The following GUCY1A2 variants were observed in gnomAD, a reference collection of about 807,000 sequenced individuals.
GUCY1A2 encodes guanylate cyclase soluble subunit alpha-2.
Under a neutral mutation model 63.5 loss-of-function variants are expected in GUCY1A2, and 27 were observed. That is an observed-to-expected ratio of 0.43 (90% CI 0.31 to 0.59). The LOEUF (loss-of-function observed/expected upper bound fraction) is 0.59, where lower values mean the gene tolerates loss of function less well. Among genes scored for constraint, GUCY1A2 ranks in the 20% least tolerant of loss-of-function variants. GUCY1A2 has a pLI of 0.11. For missense variants in GUCY1A2, 768 were observed against 913.3 expected (o/e 0.84, Z 2.05); for synonymous variants, 364 against 343.5 (o/e 1.06, Z -0.66).
intron 2 of GUCY1A2, among the ~76,000 whole-genome samples, chr11:106,979,871 A>C (rs1861312155): frequency 6.6e-6 from 1 of 152,130 alleles, no homozygotes; most frequent in Admixed American, 6.5e-5. Flanking sequence ...AAGACTTCAA[A>C]ATAAAATCTT....
chr11:106,942,550 A>T (rs1565338739), intron 3 of GUCY1A2, among the ~76,000 whole-genome samples: 1 of 151,638 alleles, frequency 6.6e-6, no homozygotes, highest in Non-Finnish European at 1.5e-5. Flanking sequence ...TCCGTGTGTC[A>T]CTGAAAATAT....
Position 106,940,032 on chromosome 11 carries a change from T to G in GUCY1A2, c.634A>C (p.Thr212Pro). ...AGAGTGGCCTGTTTTCCAAAAGAAG[T>G]TCTAATGTGTTCCAACAAAGCATCA... ...GFDALLEHIR[T>P]SFGKQATLES... The change falls in exon 4 of 8, where the codon ACT (threonine) becomes CCT (proline). Residue 212 changes from threonine (T) to proline (P), a missense_variant. By Grantham distance (38) the Thr-to-Pro change is conservative. Coordinates refer to ENST00000526355, the MANE Select transcript of GUCY1A2 (RefSeq NM_000855.3). 6.2e-7 allele frequency: 1 copy of G among 1,613,920 alleles called. No homozygotes were observed. Among genetic ancestry groups the G allele is most frequent in the Non-Finnish European group, 8.5e-7 (1 of 1,179,892 alleles).
intron 7 of GUCY1A2, among the ~76,000 whole-genome samples, chr11:106,688,770 T>C (rs966462344): frequency 3.9e-5 from 6 of 152,124 alleles, no homozygotes; most frequent in Non-Finnish European, 8.8e-5. Context: ...CCACAAAGCT[T>C]TCATGGACTA....
chr11:106,837,653 C>G (rs1214837658), intron 4 of GUCY1A2, among the ~76,000 whole-genome samples: 1 of 151,776 alleles, frequency 6.6e-6, no homozygotes, highest in Admixed American at 6.6e-5. Flanking sequence ...CAAATTGTCG[C>G]AAATCTCCAA....
intron 5 of GUCY1A2, among the ~76,000 whole-genome samples, chr11:106,793,237 C>T (rs1864694069): frequency 6.6e-6 from 1 of 151,936 alleles, no homozygotes; most frequent in South Asian, 2.1e-4. Flanking sequence ...ACAAGGGCAC[C>T]AAGAAAACAC....
intron 6 of GUCY1A2, among the ~76,000 whole-genome samples, chr11:106,749,250 T>C (rs1255775838): frequency 6.6e-6 from 1 of 152,102 alleles, no homozygotes; most frequent in Non-Finnish European, 1.5e-5. Flanking sequence ...AATCATTTAA[T>C]GATTCATTTC....
intron 6 of GUCY1A2, among the ~76,000 whole-genome samples, chr11:106,722,329 G>C (rs1863330669): frequency 6.6e-6 from 1 of 151,580 alleles, no homozygotes; most frequent in South Asian, 2.1e-4. Context: ...TCTCAGACTA[G>C]ACTTTCTAAA....
At chr11:106,804,152 T>A (rs372415431) in intron 5 of GUCY1A2, among the ~76,000 whole-genome samples, 191 of 152,356 alleles carry the variant, frequency 1.3e-3, no homozygotes, top group African/African-American at 4.4e-3. Flanking sequence ...AAATGTTTAT[T>A]GAGTGAATGA....
chr11:107,011,549 AATATATTTATAATATATACACAT>A (rs1287301388), intron 1 of GUCY1A2, among the ~76,000 whole-genome samples: 1 of 146,708 alleles, frequency 6.8e-6, no homozygotes, highest in Non-Finnish European at 1.5e-5. Context: ...TAAATATATA[AATATATTTATAATATATACACAT>A]ATATATTTAT....
At chr11:106,887,738 G>C (rs1475229252) in intron 4 of GUCY1A2, among the ~76,000 whole-genome samples, 1 of 152,132 alleles carries the variant, frequency 6.6e-6, no homozygotes, top group Non-Finnish European at 1.5e-5. Context: ...AGCTGCTACT[G>C]GGAGAAGAAA....
intron 7 of GUCY1A2, among the ~76,000 whole-genome samples, chr11:106,690,752 G>A (rs1004393075): frequency 6.6e-6 from 1 of 152,144 alleles, no homozygotes; most frequent in Admixed American, 6.6e-5. Context: ...GGGTGAAAAT[G>A]AGTTCAGAAT....
At chr11:106,809,721 AT>A (rs1858738589) in intron 5 of GUCY1A2, among the ~76,000 whole-genome samples, 1 of 152,104 alleles carries the variant, frequency 6.6e-6, no homozygotes. Flanking sequence ...AACAAGTTTA[AT>A]TTTTTAATAA....
At chr11:106,986,905 A>C (rs1422896162) in intron 1 of GUCY1A2, among the ~76,000 whole-genome samples, 1 of 152,206 alleles carries the variant, frequency 6.6e-6, no homozygotes, top group Non-Finnish European at 1.5e-5. Context: ...TCTCTTCTCC[A>C]CGATGGCTTA....
intron 1 of GUCY1A2, among the ~76,000 whole-genome samples, chr11:107,008,612 A>G (rs905685458): frequency 3.3e-5 from 5 of 152,232 alleles, no homozygotes; most frequent in African/African-American, 1.2e-4. Flanking sequence ...TTTATAATTC[A>G]GATACTCTGC....
At chr11:106,724,911 C>T (rs554856619) in intron 6 of GUCY1A2, among the ~76,000 whole-genome samples, 27 of 152,228 alleles carry the variant, frequency 1.8e-4, no homozygotes, top group African/African-American at 4.8e-4. Context: ...TCTTATTCTC[C>T]TACTCAGATA....
At chr11:106,798,354 A>G (rs1864806792) in intron 5 of GUCY1A2, among the ~76,000 whole-genome samples, 1 of 152,294 alleles carries the variant, frequency 6.6e-6, no homozygotes, top group South Asian at 2.1e-4. Flanking sequence ...AGCTGGTACC[A>G]TTCCTTCTGA....
intron 3 of GUCY1A2, among the ~76,000 whole-genome samples, chr11:106,978,240 T>G (rs1861288466): frequency 6.6e-6 from 1 of 152,104 alleles, no homozygotes; most frequent in African/African-American, 2.4e-5. Flanking sequence ...GGGCCACCCT[T>G]CTGCCCCAAC....
intron 4 of GUCY1A2, among the ~76,000 whole-genome samples, chr11:106,864,070 G>T (rs560343200): frequency 6.6e-6 from 1 of 151,876 alleles, no homozygotes; most frequent in Non-Finnish European, 1.5e-5. Flanking sequence ...GTCGGGGGTT[G>T]GGAGCGATAG....
At chr11:106,784,681 T>G (rs1440514451) in intron 5 of GUCY1A2, among the ~76,000 whole-genome samples, 1 of 152,180 alleles carries the variant, frequency 6.6e-6, no homozygotes, top group Non-Finnish European at 1.5e-5. Flanking sequence ...TTATTAAGAT[T>G]TTTTTTAGTT....
Sources: allele counts gnomAD v4.1 joint callset (sites outside exome capture counted in the v4.1 genomes callset), GRCh38; gene constraint gnomAD v4.1.1; transcripts MANE v1.5; gene names NCBI Gene and HGNC (gene_info 2026-07-23, HGNC 2026-07-21).